The following OIP5 variants were observed in gnomAD, a reference collection of about 807,000 sequenced individuals.
OIP5 encodes the protein protein Mis18-beta.
A neutral mutation model predicts 20.3 loss-of-function variants in OIP5; 24 were observed. The observed-to-expected ratio is 1.18, with a 90% CI of 0.86 to 1.66. The LOEUF (loss-of-function observed/expected upper bound fraction) is 1.66, where lower values mean the gene tolerates loss of function less well. OIP5 is among the 40% of genes most tolerant of loss of function. The pLI is 0.00. For missense variants in OIP5, 339 were observed against 289.5 expected, an observed-to-expected ratio of 1.17 and a Z score of -1.24; for synonymous variants, 143 against 121.3, an observed-to-expected ratio of 1.18 and a Z score of -1.17.
intron 3 of OIP5, among the ~76,000 whole-genome samples, chr15:41,316,626 T>C (rs1244437698): frequency 1.3e-5 from 2 of 151,530 alleles, no homozygotes; most frequent in Admixed American, 6.6e-5. Flanking sequence ...CCGTCTCTAC[T>C]AAAAATACAA....
chr15:41,326,290 C>T (rs1430611587), intron 2 of OIP5, among the ~76,000 whole-genome samples: 3 of 152,128 alleles, frequency 2.0e-5, no homozygotes, highest in South Asian at 4.1e-4. Flanking sequence ...AATGATATAG[C>T]GGTGCCTCAG....
rs1190303708 is a variant in OIP5 at position 41,321,218 on chromosome 15, G to A, written c.390-1438C>T. ...AGGGAGGTGGGGGGGTCAGCCCCCC[G>A]CCCGGCCAGCCGCCCCGTCCGGGAG... On this transcript the variant is annotated intron_variant, in intron 2 of 4. Coordinates refer to ENST00000220514, the MANE Select transcript of OIP5 (RefSeq NM_007280.2). 2.1e-3 allele frequency among the ~76,000 whole-genome samples: 305 copies of A among 148,650 alleles called. 1 individual carries two copies. Among genetic ancestry groups the A allele is most frequent in the Non-Finnish European group, 3.6e-3 (242 of 67,098 alleles).
chr15:41,330,925 CCAAGCAGGCAATTG>C (rs2047898863), intron 2 of OIP5, among the ~76,000 whole-genome samples: 1 of 152,116 alleles, frequency 6.6e-6, no homozygotes, highest in African/African-American at 2.4e-5. Context: ...ACACCCAATT[CCAAGCAGGCAATTG>C]CTCCTTCTTG....
chr15:41,326,062 T>C (rs1277252281), intron 2 of OIP5, among the ~76,000 whole-genome samples: 1 of 152,096 alleles, frequency 6.6e-6, no homozygotes, highest in Non-Finnish European at 1.5e-5. Flanking sequence ...CTAGGGAGGC[T>C]AAGGCAGAAG....
At chr15:41,324,676 A>G (rs771767625) in intron 2 of OIP5, among the ~76,000 whole-genome samples, 2 of 151,968 alleles carry the variant, frequency 1.3e-5, no homozygotes, top group African/African-American at 4.8e-5. Flanking sequence ...TTTAGTAGAG[A>G]TGGGGTTTCA....
intron 2 of OIP5, among the ~76,000 whole-genome samples, chr15:41,329,675 C>T (rs2047885006): frequency 6.6e-6 from 1 of 151,516 alleles, no homozygotes; most frequent in African/African-American, 2.4e-5. Context: ...TAATGTGAGT[C>T]ACATATGTAA....
intron 2 of OIP5, among the ~76,000 whole-genome samples, chr15:41,321,924 AAAATAAAT>A (rs148885291): frequency 3.9e-4 from 58 of 149,620 alleles, no homozygotes; most frequent in African/African-American, 1.1e-3. Flanking sequence ...GATCAATAAA[AAAATAAAT>A]AAATAAATAA....
At position 41,309,728 on chromosome 15, in the gene OIP5, C is replaced by T. The variant is rs777623267; in HGVS notation, c.*26G>A. On this transcript the variant is annotated 3_prime_UTR_variant, in exon 5 of 5. Coordinates refer to ENST00000220514, the MANE Select transcript of OIP5 (RefSeq NM_007280.2). ...GTTGAAGACAGCAATAAAGCCTGAA[C>T]CTGACACTCAAGCTTTGGTACAGGA... 1.3e-6 allele frequency: 2 copies of T among 1,499,592 alleles called. No individual in the cohort carries two copies. The highest frequency in any genetic ancestry group is 1.1e-5 in the South Asian group (1 of 87,198). The allele number at this position is 1,499,592 out of a possible 1,614,324, so 92.9% of individuals were successfully genotyped here. A position where few individuals can be genotyped will look rare whatever the true frequency, so the allele number is the denominator to read the frequency against.
intron 2 of OIP5, among the ~76,000 whole-genome samples, chr15:41,329,063 C>CAAAAAAAAAAAAAAAAA: frequency 2.0e-5 from 1 of 50,356 alleles, no homozygotes; most frequent in Non-Finnish European, 3.5e-5. Flanking sequence ...GACTCCATCT[C>CAAAAAAAAAAAAAAAAA]AAAAAAAAAA....
chr15:41,332,547 C>T lies in OIP5; in HGVS notation c.15G>A (p.Pro5=), dbSNP rs1184159761. 1.9e-6 allele frequency: 3 copies of T among 1,603,012 alleles called. No individual in the cohort carries two copies. Among genetic ancestry groups the T allele is most frequent in the Admixed American group, 3.5e-5 (2 of 57,480 alleles). The change falls in exon 1 of 5, where the codon CCG becomes CCA. Residue 5 remains proline (P), a synonymous_variant. Transcript: ENST00000220514. MAAQ[P]LRHRSRCATP... Reference sequence around the variant, plus strand: ...TTGCACAACGTGAGCGATGCCGCAGCGGCTGAGCCGCCATCTTCCCGCAGC... The same window carrying T: ...TTGCACAACGTGAGCGATGCCGCAGTGGCTGAGCCGCCATCTTCCCGCAGC...
intron 4 of OIP5, 110 bp downstream of exon 4, chr15:41,313,162 TA>T: frequency 1.4e-6 from 1 of 706,624 alleles, no homozygotes; most frequent in Non-Finnish European, 2.4e-6. Flanking sequence ...TCAAATCAAG[TA>T]AAAAGGATTA....
intron 2 of OIP5, among the ~76,000 whole-genome samples, chr15:41,326,990 G>A (rs981748847): frequency 1.3e-5 from 2 of 151,566 alleles, no homozygotes; most frequent in African/African-American, 4.8e-5. Flanking sequence ...ATAACAGTCT[G>A]TGAATCTACA....
At position 41,309,614 on chromosome 15, in the gene OIP5, G is replaced by C. The variant is rs2047741175; in HGVS notation, c.*140C>G. The C allele has an allele frequency of 1.2e-5, 6 of 515,286 alleles. No homozygotes were observed. The highest frequency in any genetic ancestry group is 1.7e-5 in the Non-Finnish European group (5 of 291,822). The allele number at this position is 515,286 out of a possible 1,614,324, so 31.9% of individuals were successfully genotyped here. A position where few individuals can be genotyped will look rare whatever the true frequency, so the allele number is the denominator to read the frequency against. On this transcript the variant is annotated 3_prime_UTR_variant, in exon 5 of 5. Transcript: ENST00000220514. ...TAAAAACAGCTTCACAAATAATTTG[G>C]AAAATCAGCCTAAAGGTAAATAGAA...
rs942832773 is a variant in OIP5 at position 41,321,897 on chromosome 15, G to A, written c.390-2117C>T. On this transcript the variant is annotated intron_variant, in intron 2 of 4. Coordinates refer to ENST00000220514, the MANE Select transcript of OIP5 (RefSeq NM_007280.2). ...ATGACCCTGCCAAATCCCCCTCTGC[G>A]AGAAACACCCAAGAATGATCAATAA... Among the ~76,000 whole-genome samples the A allele has an allele frequency of 5.4e-5, 8 of 148,104 alleles. No individual in the cohort carries two copies. In the East Asian group the frequency reaches 1.6e-3, roughly 29 times the overall value.
At chr15:41,311,345 G>C (rs763240650) in intron 4 of OIP5, among the ~76,000 whole-genome samples, 3 of 152,064 alleles carry the variant, frequency 2.0e-5, no homozygotes, top group Non-Finnish European at 2.9e-5. Flanking sequence ...CCCGGGAGGA[G>C]GGGGTTGCAG....
chr15:41,316,341 G>T (rs1387770043), intron 3 of OIP5, among the ~76,000 whole-genome samples: 1 of 152,044 alleles, frequency 6.6e-6, no homozygotes, highest in East Asian at 1.9e-4. Context: ...ATCCATCTCA[G>T]GATCTCAGGT....
chr15:41,312,164 CTTT>C (rs1180916308), intron 4 of OIP5, among the ~76,000 whole-genome samples: 3 of 88,146 alleles, frequency 3.4e-5, no homozygotes, highest in African/African-American at 3.2e-5. Flanking sequence ...TTCTTTTTTT[CTTT>C]TTTTTTTTTT....
Position 41,318,037 on chromosome 15 carries a change from CAT to C in OIP5, c.512+1619_512+1620del, listed in dbSNP as rs1162165926. Among the ~76,000 whole-genome samples, 5 of 152,268 alleles carry C rather than the reference CAT, an allele frequency of 3.3e-5. No homozygotes were observed. In the East Asian group the frequency reaches 5.8e-4, roughly 18 times the overall value. On this transcript the variant is annotated intron_variant, in intron 3 of 4. Coordinates refer to ENST00000220514, the MANE Select transcript of OIP5 (RefSeq NM_007280.2). Reference sequence around the variant, plus strand: ...GGAATCACACATGATACAAATCACACATGATACAAATATACAAGGCCCCACCT... The same window carrying C: ...GGAATCACACATGATACAAATCACACGATACAAATATACAAGGCCCCACCT...
chr15:41,317,361 T>G (rs1234496493), intron 3 of OIP5, among the ~76,000 whole-genome samples: 1 of 151,778 alleles, frequency 6.6e-6, no homozygotes, highest in Non-Finnish European at 1.5e-5. Flanking sequence ...TGGCTTAGTT[T>G]GGGTCAGGTA....
Sources: allele counts gnomAD v4.1 joint callset (sites outside exome capture counted in the v4.1 genomes callset), GRCh38; gene constraint gnomAD v4.1.1; transcripts MANE v1.5; gene names NCBI Gene and HGNC (gene_info 2026-07-23, HGNC 2026-07-21).